MTMR1: variants seen among roughly 807,000 people sequenced by gnomAD.
MTMR1 encodes myotubularin related protein 1, also known as phosphatidylinositol-3-phosphate phosphatase MTMR1.
MTMR1 carries 17 observed loss-of-function variants against 51.6 expected under a neutral mutation model. That is an observed-to-expected ratio of 0.33 (90% CI 0.23 to 0.49). The LOEUF is 0.49. MTMR1 is among the 20% of genes least tolerant of loss of function. MTMR1 has a pLI of 0.99. For synonymous variants in MTMR1, 201 were observed against 205.6 expected (o/e 0.98, Z 0.19); for missense variants, 386 against 526.9 (o/e 0.73, Z 2.62).
chrX:150,720,225 C>T (rs562665), intron 4 of MTMR1, among the ~76,000 whole-genome samples: 16,548 of 111,151 alleles, frequency 0.15, 1,054 homozygotes, highest in African/African-American at 0.23. Context: ...ACACGGTGTA[C>T]ACCTGAGAAA....
chrX:150,762,277 C>T (rs1359932195), intron 15 of MTMR1, among the ~76,000 whole-genome samples: 1 of 112,385 alleles, frequency 8.9e-6, no homozygotes, highest in Non-Finnish European at 1.9e-5. Flanking sequence ...GCAGTGTCCC[C>T]GTGCCTGCTT....
At chrX:150,743,059 T>A (rs1423663871) in intron 12 of MTMR1, among the ~76,000 whole-genome samples, 3 of 111,037 alleles carry the variant, frequency 2.7e-5, no homozygotes, top group Non-Finnish European at 3.8e-5. Flanking sequence ...TGGTGATGGT[T>A]GCATAATAAC....
chrX:150,743,568 T>C (rs2042495456), intron 12 of MTMR1, among the ~76,000 whole-genome samples: 1 of 112,177 alleles, frequency 8.9e-6, no homozygotes, highest in Admixed American at 9.4e-5. Flanking sequence ...GGCAATTTCA[T>C]AGAGTATTTT....
chrX:150,736,404 A>C (rs782800495), intron 10 of MTMR1, 191 bp from the exon 11 acceptor site: 19 of 399,237 alleles, frequency 4.8e-5, no homozygotes, highest in African/African-American at 4.0e-4. Flanking sequence ...AGGAGAGAAT[A>C]AACTTCTGTT....
At chrX:150,721,047 T>C (rs1169395816) in intron 4 of MTMR1, among the ~76,000 whole-genome samples, 7 of 112,014 alleles carry the variant, frequency 6.2e-5, no homozygotes, top group African/African-American at 2.3e-4. Context: ...TCTGCATTGA[T>C]TGATGTAACC....
rs1408570278 is a variant in MTMR1 at position 150,727,434 on chromosome X, C to T, written c.447+125C>T. Reference sequence around the variant, plus strand: ...TAACCACAGGTTGGATTTTGAGATGCACACATTTGCAAACAGATGTTTGTA... The same window carrying T: ...TAACCACAGGTTGGATTTTGAGATGTACACATTTGCAAACAGATGTTTGTA... On this transcript the variant is annotated intron_variant, in intron 5 of 15. Coordinates refer to ENST00000445323, the MANE Select transcript of MTMR1 (RefSeq NM_001306144.3). The T allele has an allele frequency of 1.8e-5, 10 of 549,063 alleles. No homozygotes were observed. In the African/African-American group the frequency reaches 1.9e-4, roughly 10 times the overall value. 45.2% of individuals were successfully genotyped at this position (549,063 alleles called of 1,213,427 possible). A position where few individuals can be genotyped will look rare whatever the true frequency, so the allele number is the denominator to read the frequency against.
At chrX:150,723,316 C>T (rs185113008) in intron 4 of MTMR1, among the ~76,000 whole-genome samples, 6 of 111,279 alleles carry the variant, frequency 5.4e-5, no homozygotes, top group Admixed American at 1.9e-4. Context: ...ATAAACATAA[C>T]GTGTGCATGT....
At chrX:150,737,143 A>C in intron 11 of MTMR1, 99 bp from the exon 12 acceptor site, 1 of 806,335 alleles carries the variant, frequency 1.2e-6, no homozygotes, top group Non-Finnish European at 1.8e-6. Context: ...TGGTTTATTG[A>C]CCAGAACTTC....
intron 10 of MTMR1, among the ~76,000 whole-genome samples, chrX:150,735,074 GA>G (rs2042226131): frequency 8.9e-6 from 1 of 111,983 alleles, no homozygotes; most frequent in Non-Finnish European, 1.9e-5. Flanking sequence ...TAGAGGCAGA[GA>G]TTTAAATGAT....
chrX:150,751,500 C>T (rs1472409011), intron 14 of MTMR1, among the ~76,000 whole-genome samples: 1 of 111,365 alleles, frequency 9.0e-6, no homozygotes, highest in African/African-American at 3.3e-5. Context: ...CCGCCTCCCC[C>T]TCTCTCAGCA....
chrX:150,762,723 G>A lies in MTMR1; in HGVS notation c.2016G>A (p.Ser672=), dbSNP rs782223062. Residue 672 remains serine, a synonymous_variant, in exon 16 of 16, where the codon TCG becomes TCA. Transcript: ENST00000445323. ...ACTCCGCCACCTCCGTCCACACCTC[G>A]GTCTGATGGGCGAGGTCAGCCTGCT... ...PSHSATSVHT[S]V 5.1e-6 allele frequency: 6 copies of A among 1,165,809 alleles called. No homozygotes were observed. Among genetic ancestry groups the A allele is most frequent in the Middle Eastern group, 3.3e-4 (1 of 3,021 alleles).
chrX:150,716,573 C>T lies in MTMR1; in HGVS notation c.277-2052C>T, dbSNP rs144088369. Among the ~76,000 whole-genome samples, 631 of 112,232 alleles carry T rather than the reference C, an allele frequency of 5.6e-3. 4 individuals are homozygous for T. The highest frequency in any genetic ancestry group is 0.02 in the African/African-American group (608 of 30,903). On this transcript the variant is annotated intron_variant, in intron 3 of 15. Transcript: ENST00000445323. ...AATTGAATTAACTGTTTGGAGGTAA[C>T]GATGATTCCTAATCTATATTATTTT...
chrX:150,698,328 G>C (rs1272086876), intron 1 of MTMR1, among the ~76,000 whole-genome samples: 2 of 110,382 alleles, frequency 1.8e-5, no homozygotes, highest in African/African-American at 6.6e-5. Context: ...AAAACCATTT[G>C]TAAGTTGTCA....
At chrX:150,749,190 G>A (rs1166031445) in intron 13 of MTMR1, among the ~76,000 whole-genome samples, 1 of 112,370 alleles carries the variant, frequency 8.9e-6, no homozygotes, top group African/African-American at 3.2e-5. Context: ...ATAATAGCCT[G>A]GTGAAGAAAA....
At position 150,703,861 on chromosome X, in the gene MTMR1, G is replaced by A. The variant is rs1206331364; in HGVS notation, c.252+4561G>A. On this transcript the variant is annotated intron_variant, in intron 2 of 15. Coordinates refer to ENST00000445323, the MANE Select transcript of MTMR1 (RefSeq NM_001306144.3). ...TGTAGAGAACTGGAGAGTACAGAAT[G>A]CCCACCTAACAGCAATTAAATTTTT... 6.2e-4 allele frequency among the ~76,000 whole-genome samples: 62 copies of A among 99,719 alleles called. 3 individuals carry two copies. Among genetic ancestry groups the A allele is most frequent in the Non-Finnish European group, 4.0e-5 (2 of 50,064 alleles). 86.6% of individuals were successfully genotyped at this position (99,719 alleles called of 115,157 possible). A position where few individuals can be genotyped will look rare whatever the true frequency, so the allele number is the denominator to read the frequency against.
intron 13 of MTMR1, among the ~76,000 whole-genome samples, chrX:150,745,554 T>C (rs1164300373): frequency 1.8e-5 from 2 of 111,657 alleles, no homozygotes; most frequent in African/African-American, 6.5e-5. Flanking sequence ...AGAGCTACTG[T>C]TACTGATGGC....
At chrX:150,743,006 G>A (rs1376896420) in intron 12 of MTMR1, among the ~76,000 whole-genome samples, 1 of 110,796 alleles carries the variant, frequency 9.0e-6, no homozygotes, top group Non-Finnish European at 1.9e-5. Context: ...AGTGATTAAT[G>A]GGTATAGAGT....
intron 15 of MTMR1, among the ~76,000 whole-genome samples, chrX:150,758,979 C>T (rs1332020600): frequency 8.9e-6 from 1 of 112,179 alleles, no homozygotes; most frequent in Non-Finnish European, 1.9e-5. Flanking sequence ...GGTCCATGTG[C>T]CCAGGAACTA....
intron 12 of MTMR1, among the ~76,000 whole-genome samples, chrX:150,743,521 G>T (rs1437944958): frequency 8.9e-6 from 1 of 112,261 alleles, no homozygotes; most frequent in Non-Finnish European, 1.9e-5. Flanking sequence ...TGTTAATATT[G>T]ATTTTGTCAT....
Sources: gnomAD v4.1 joint callset for allele counts (sites outside exome capture counted in the v4.1 genomes callset) on GRCh38, gnomAD v4.1.1 for gene constraint, MANE v1.5 for transcripts, NCBI Gene and HGNC (gene_info 2026-07-23, HGNC 2026-07-21) for gene names.